RAD51B: variants seen among roughly 807,000 people sequenced by gnomAD.
RAD51B encodes the protein DNA repair protein RAD51 homolog 2.
Under a neutral mutation model 42.2 loss-of-function variants are expected in RAD51B, and 38 were observed. The ratio of observed to expected loss-of-function variants is 0.90; its 90% CI spans 0.70 to 1.18. The LOEUF (loss-of-function observed/expected upper bound fraction) is 1.18. Among genes scored for constraint, RAD51B ranks in the 50% most tolerant of loss-of-function variants. The pLI is 0.00. For missense variants in RAD51B, 373 were observed against 400.7 expected, an observed-to-expected ratio of 0.93 and a Z score of 0.59; for synonymous variants, 154 against 145.2, an observed-to-expected ratio of 1.06 and a Z score of -0.43.
intron 7 of RAD51B, among the ~76,000 whole-genome samples, chr14:67,969,889 A>T (rs906577230): frequency 3.3e-5 from 5 of 152,246 alleles, no homozygotes; most frequent in African/African-American, 7.2e-5. Flanking sequence ...CTTTTACTAT[A>T]TAAAACTAAG....
At chr14:68,089,436 A>G (rs967589919) in intron 7 of RAD51B, among the ~76,000 whole-genome samples, 8 of 152,124 alleles carry the variant, frequency 5.3e-5, no homozygotes, top group African/African-American at 1.7e-4. Flanking sequence ...GGGTGCACTC[A>G]CAGTTCTCCA....
At chr14:68,655,816 T>A (rs1284031810) in intron 11 of RAD51B, among the ~76,000 whole-genome samples, 1 of 152,146 alleles carries the variant, frequency 6.6e-6, no homozygotes, top group African/African-American at 2.4e-5. Context: ...ATCTTACAGA[T>A]CGGCGGGGTC....
intron 7 of RAD51B, among the ~76,000 whole-genome samples, chr14:68,199,598 G>A (rs2079442171): frequency 6.6e-6 from 1 of 152,182 alleles, no homozygotes; most frequent in Admixed American, 6.5e-5. Context: ...TTTAGGTTCA[G>A]GAAATGAAAA....
chr14:68,499,880 A>AATACAT (rs1484576341), intron 10 of RAD51B, among the ~76,000 whole-genome samples: 1 of 152,154 alleles, frequency 6.6e-6, no homozygotes, highest in African/African-American at 2.4e-5. Flanking sequence ...GACTATAGAG[A>AATACAT]ATACATTTCT....
At chr14:68,038,484 G>A (rs557845269) in intron 7 of RAD51B, among the ~76,000 whole-genome samples, 2 of 149,200 alleles carry the variant, frequency 1.3e-5, no homozygotes, top group Admixed American at 6.7e-5. Context: ...ATTTGATTTT[G>A]TAAAGCCTGA....
At chr14:67,961,511 A>G (rs1019002559) in intron 7 of RAD51B, among the ~76,000 whole-genome samples, 2 of 152,208 alleles carry the variant, frequency 1.3e-5, no homozygotes, top group Non-Finnish European at 2.9e-5. Context: ...CAAAGACTGA[A>G]CACCATACAC....
At chr14:67,968,858 T>C (rs1297113526) in intron 7 of RAD51B, among the ~76,000 whole-genome samples, 1 of 152,166 alleles carries the variant, frequency 6.6e-6, no homozygotes, top group Non-Finnish European at 1.5e-5. Flanking sequence ...ACTCCAATGG[T>C]ACCAATTTAC....
intron 7 of RAD51B, among the ~76,000 whole-genome samples, chr14:67,997,221 A>G (rs1406896342): frequency 6.6e-6 from 1 of 152,180 alleles, no homozygotes; most frequent in African/African-American, 2.4e-5. Context: ...ACTAGATACA[A>G]TCCCCAAGAG....
intron 8 of RAD51B, among the ~76,000 whole-genome samples, chr14:68,353,278 A>C (rs1236907097): frequency 6.6e-6 from 1 of 152,204 alleles, no homozygotes; most frequent in Non-Finnish European, 1.5e-5. Flanking sequence ...TAACCCCATA[A>C]AGAAAAATAA....
chr14:68,017,743 C>A (rs1240898846), intron 7 of RAD51B, among the ~76,000 whole-genome samples: 1 of 151,856 alleles, frequency 6.6e-6, no homozygotes, highest in African/African-American at 2.4e-5. Flanking sequence ...GAGGCCAAGG[C>A]AGGCAGATCA....
At chr14:68,058,722 T>G (rs1382346945) in intron 7 of RAD51B, among the ~76,000 whole-genome samples, 2 of 152,228 alleles carry the variant, frequency 1.3e-5, no homozygotes, top group African/African-American at 4.8e-5. Flanking sequence ...TGTATATCCT[T>G]TTAAATTCTT....
At chr14:68,192,613 G>T (rs1048976786) in intron 7 of RAD51B, among the ~76,000 whole-genome samples, 3 of 152,094 alleles carry the variant, frequency 2.0e-5, no homozygotes, top group African/African-American at 7.2e-5. Context: ...CAGAATTCAG[G>T]TTTTCTATTT....
chr14:67,948,954 A>AT (rs1857066006), intron 7 of RAD51B, among the ~76,000 whole-genome samples: 1 of 150,826 alleles, frequency 6.6e-6, no homozygotes, highest in Non-Finnish European at 1.5e-5. Flanking sequence ...AAAAAAAAAA[A>AT]AAAAGCAATG....
At chr14:68,536,504 G>A (rs1887628325) in intron 10 of RAD51B, among the ~76,000 whole-genome samples, 2 of 152,192 alleles carry the variant, frequency 1.3e-5, no homozygotes, top group Admixed American at 1.3e-4. Flanking sequence ...TTCAGTACCA[G>A]CCCAGTCATG....
At chr14:68,222,534 T>TC (rs2079950606) in intron 7 of RAD51B, among the ~76,000 whole-genome samples, 1 of 151,910 alleles carries the variant, frequency 6.6e-6, no homozygotes, top group South Asian at 2.1e-4. Flanking sequence ...GGGAAAAGGT[T>TC]GGGGTGGCGA....
At chr14:68,636,587 A>G (rs1892345967) in intron 10 of RAD51B, among the ~76,000 whole-genome samples, 2 of 123,840 alleles carry the variant, frequency 1.6e-5, no homozygotes, top group African/African-American at 7.9e-5. Flanking sequence ...AGTCTCAAAA[A>G]AAAAAAAAAA....
chr14:67,995,502 A>G (rs1381263870), intron 7 of RAD51B, among the ~76,000 whole-genome samples: 1 of 151,900 alleles, frequency 6.6e-6, no homozygotes, highest in Non-Finnish European at 1.5e-5. Flanking sequence ...TTTCTCACAC[A>G]TTTATCCTTG....
chr14:68,458,648 C>G (rs907168470), intron 9 of RAD51B, among the ~76,000 whole-genome samples: 5 of 150,558 alleles, frequency 3.3e-5, no homozygotes, highest in African/African-American at 1.2e-4. Flanking sequence ...CTAAGAGACT[C>G]TTCCCAGAGA....
intron 7 of RAD51B, among the ~76,000 whole-genome samples, chr14:68,097,225 T>G (rs1228260704): frequency 2.0e-5 from 3 of 152,176 alleles, no homozygotes; most frequent in Non-Finnish European, 4.4e-5. Flanking sequence ...TTCATATTTT[T>G]TAGTAAAAGT....
Sources: allele counts gnomAD v4.1 joint callset (sites outside exome capture counted in the v4.1 genomes callset), GRCh38; gene constraint gnomAD v4.1.1; transcripts MANE v1.5; gene names NCBI Gene and HGNC (gene_info 2026-07-23, HGNC 2026-07-21).